The following ZFP2 variants were observed in gnomAD, a reference collection of about 807,000 sequenced individuals.
ZFP2 encodes the protein zinc finger protein ZFP2.
ZFP2 carries 33 observed loss-of-function variants against 36.1 expected under a neutral mutation model. The ratio of observed to expected loss-of-function variants is 0.92; its 90% CI spans 0.69 to 1.22. The LOEUF (loss-of-function observed/expected upper bound fraction) is 1.22, where lower values mean the gene tolerates loss of function less well. ZFP2 is among the 50% of genes most tolerant of loss of function. The pLI is 0.00. For missense variants in ZFP2, 522 were observed against 551.4 expected (o/e 0.95, Z 0.53); for synonymous variants, 170 against 178.0 (o/e 0.96, Z 0.36).
chr5:178,925,166 TATAC>T (rs577528360), intron 4 of ZFP2, among the ~76,000 whole-genome samples: 3,002 of 146,658 alleles, frequency 0.02, 131 homozygotes, highest in African/African-American at 0.07. Flanking sequence ...TATACACATA[TATAC>T]ATATACATAT....
Position 178,932,415 on chromosome 5 carries a change from T to C in ZFP2, c.1102T>C (p.Ser368Pro). ...TGGAAAACATTTCACTGGACGATCA[T>C]CCCTTACCGTGCATCAGGTCATTCA... Reference protein sequence around the residue: ...VCGKHFTGRSSLTVHQVIHTG... With the variant: ...VCGKHFTGRSPLTVHQVIHTG... The change falls in exon 5 of 5, where the codon TCC (serine) becomes CCC (proline). Residue 368 changes from serine to proline, a missense_variant. Transcript: ENST00000361362. 1 of 1,614,034 alleles carries C rather than the reference T, an allele frequency of 6.2e-7. No individual in the cohort carries two copies. The highest frequency in any genetic ancestry group is 8.5e-7 in the Non-Finnish European group (1 of 1,180,026).
At chr5:178,909,832 C>A (rs1758251253) in intron 1 of ZFP2, 1 of 1,590,816 alleles carries the variant, frequency 6.3e-7, no homozygotes, top group South Asian at 1.1e-5. Context: ...GGCCAGGCCT[C>A]ATCTTCACTG....
At chr5:178,915,572 C>T (rs367553373) in intron 3 of ZFP2, 1 of 151,778 alleles carries the variant, frequency 6.6e-6, no homozygotes, top group African/African-American at 2.4e-5. Context: ...CCTCAGCCTC[C>T]CAAAGTGCTA....
chr5:178,911,301 G>A (rs746222414), intron 1 of ZFP2, among the ~76,000 whole-genome samples: 29 of 152,052 alleles, frequency 1.9e-4, no homozygotes, highest in Non-Finnish European at 3.8e-4. Context: ...CCTCTGTCTC[G>A]TATTCAGTCC....
At chr5:178,910,062 A>G in intron 1 of ZFP2, 2 of 1,474,856 alleles carry the variant, frequency 1.4e-6, no homozygotes, top group Non-Finnish European at 1.9e-6. Context: ...GCCAAACTGA[A>G]ATGTAAACTG....
chr5:178,918,128 C>T (rs1758480019), intron 4 of ZFP2, among the ~76,000 whole-genome samples: 2 of 152,196 alleles, frequency 1.3e-5, no homozygotes, highest in South Asian at 4.1e-4. Context: ...TACTTATTGT[C>T]TCCCTTTCTC....
intron 3 of ZFP2, among the ~76,000 whole-genome samples, chr5:178,913,274 T>C (rs1758335306): frequency 6.6e-6 from 1 of 151,964 alleles, no homozygotes; most frequent in East Asian, 1.9e-4. Context: ...AGTAAATGAG[T>C]TTTTACATTT....
chr5:178,924,778 G>T lies in ZFP2; in HGVS notation c.-77-6459G>T, dbSNP rs1343518876. 3.4e-5 allele frequency among the ~76,000 whole-genome samples: 5 copies of T among 148,780 alleles called. 1 individual carries two copies. The highest frequency in any genetic ancestry group is 7.5e-5 in the Non-Finnish European group (5 of 66,344). ...CAGGAGAATCACCTGAACCCAGGAGGCGGAGGTAGCAGTAAGCCGAGATTG... is the reference window on the plus strand; with the variant it reads ...CAGGAGAATCACCTGAACCCAGGAGTCGGAGGTAGCAGTAAGCCGAGATTG... On this transcript the variant is annotated intron_variant, in intron 4 of 4. Transcript: ENST00000361362.
chr5:178,925,154 T>C (rs899660595), intron 4 of ZFP2, among the ~76,000 whole-genome samples: 3 of 135,218 alleles, frequency 2.2e-5, no homozygotes, highest in Middle Eastern at 7.5e-3. Context: ...CACACACATA[T>C]ATATACACAT....
In ZFP2 at chr5:178,932,781, A is replaced by C; in HGVS notation, c.*82A>C. On this transcript the variant is annotated 3_prime_UTR_variant, in exon 5 of 5. Coordinates refer to ENST00000361362, the MANE Select transcript of ZFP2 (RefSeq NM_030613.4). ...GACATACAATGTAGAAACCTAATAA[A>C]TGTAATGATTGTGGGAATCTTTCAG... 1.4e-6 allele frequency: 2 copies of C among 1,461,528 alleles called. No homozygotes were observed. Among genetic ancestry groups the C allele is most frequent in the South Asian group, 1.5e-5 (1 of 67,358 alleles). The allele number at this position is 1,461,528 out of a possible 1,614,324, so 90.5% of individuals were successfully genotyped here.
At chr5:178,902,834 A>C (rs181504972) in intron 1 of ZFP2, among the ~76,000 whole-genome samples, 17 of 152,208 alleles carry the variant, frequency 1.1e-4, no homozygotes, top group Non-Finnish European at 2.5e-4. Context: ...TTGATAACAG[A>C]TAATATTTAC....
intron 1 of ZFP2, among the ~76,000 whole-genome samples, chr5:178,905,381 G>GA (rs1421060875): frequency 2.0e-5 from 3 of 152,164 alleles, no homozygotes; most frequent in Non-Finnish European, 4.4e-5. Flanking sequence ...ATTTTGTAAA[G>GA]AAAAAATGTG....
rs70997651 is a variant in ZFP2 at position 178,925,126 on chromosome 5, TACACACAC to T, written c.-77-6093_-77-6086del. 1.4e-3 allele frequency among the ~76,000 whole-genome samples: 186 copies of T among 133,572 alleles called. 20 individuals are homozygous for T. Among genetic ancestry groups the T allele is most frequent in the South Asian group, 3.4e-3 (15 of 4,356 alleles). 87.6% of individuals were successfully genotyped at this position (133,572 alleles called of 152,430 possible). A position where few individuals can be genotyped will look rare whatever the true frequency, so the allele number is the denominator to read the frequency against. ...GAATCTTTATATATATATATATATA[TACACACAC>T]ACACACACACACACACATATATATA... On this transcript the variant is annotated intron_variant, in intron 4 of 4. Coordinates refer to ENST00000361362, the MANE Select transcript of ZFP2 (RefSeq NM_030613.4).
Position 178,925,970 on chromosome 5 carries a change from C to CTCT in ZFP2, c.-77-5267_-77-5266insTCT, listed in dbSNP as rs1758660623. On this transcript the variant is annotated intron_variant, in intron 4 of 4. Coordinates refer to ENST00000361362, the MANE Select transcript of ZFP2 (RefSeq NM_030613.4). ...TCAGGCGATCCTCCCACCTCAGCCT[C>CTCT]CGAGTAGCTGAGACCACATGTGTGC... Among the ~76,000 whole-genome samples, 2 of 148,922 alleles carry CTCT rather than the reference C, an allele frequency of 1.3e-5. 1 individual carries two copies. The highest frequency in any genetic ancestry group is 3.0e-5 in the Non-Finnish European group (2 of 66,398).
chr5:178,922,646 C>T (rs770004568), intron 4 of ZFP2: 3 of 1,586,858 alleles, frequency 1.9e-6, no homozygotes, highest in Non-Finnish European at 2.6e-6. Context: ...CGACCTTTGT[C>T]CACGTGGCTG....
chr5:178,914,519 C>G (rs1002448201), intron 3 of ZFP2, among the ~76,000 whole-genome samples: 1 of 152,008 alleles, frequency 6.6e-6, no homozygotes, highest in African/African-American at 2.4e-5. Flanking sequence ...TATTTGTATT[C>G]TTATGTAAAT....
Position 178,917,388 on chromosome 5 carries a change from G to A in ZFP2, c.-78+678G>A, listed in dbSNP as rs1408270898. Among the ~76,000 whole-genome samples, 8 of 152,242 alleles carry A rather than the reference G, an allele frequency of 5.3e-5. No homozygotes were observed. In the East Asian group the frequency reaches 1.4e-3, roughly 26 times the overall value. ...CCAGCATTTTGGGAGGCTGAGGCGG[G>A]CAGATCTCTTGAGGTCAAGAGTTCG... is the stretch of plus-strand genomic sequence containing the variant. On this transcript the variant is annotated intron_variant, in intron 4 of 4. Transcript: ENST00000361362.
At chr5:178,899,663 G>C (rs1349323770) in intron 1 of ZFP2, among the ~76,000 whole-genome samples, 4 of 152,132 alleles carry the variant, frequency 2.6e-5, no homozygotes, top group African/African-American at 7.2e-5. Flanking sequence ...AACTTTCCTA[G>C]GAAAAAGTAG....
At chr5:178,906,761 T>C (rs1758175812) in intron 1 of ZFP2, among the ~76,000 whole-genome samples, 1 of 152,124 alleles carries the variant, frequency 6.6e-6, no homozygotes, top group African/African-American at 2.4e-5. Context: ...TTTCACCATG[T>C]TGGCCAAGCT....
Sources: allele counts gnomAD v4.1 joint callset (sites outside exome capture counted in the v4.1 genomes callset), GRCh38; gene constraint gnomAD v4.1.1; transcripts MANE v1.5; gene names NCBI Gene and HGNC (gene_info 2026-07-23, HGNC 2026-07-21).